The following LMBR1 variants were observed in gnomAD, a reference collection of about 807,000 sequenced individuals.
LMBR1 encodes limb region 1 protein homolog.
A neutral mutation model predicts 73.9 loss-of-function variants in LMBR1; 52 were observed. The ratio of observed to expected loss-of-function variants is 0.70; its 90% confidence interval spans 0.56 to 0.89. The LOEUF is 0.89. Among genes scored for constraint, LMBR1 ranks in the 40% least tolerant of loss-of-function variants. LMBR1 has a pLI of 0.00. For synonymous variants in LMBR1, 215 were observed against 209.4 expected (o/e 1.03, Z -0.23); for missense variants, 539 against 579.8 (o/e 0.93, Z 0.72).
At chr7:156,688,641 C>T (rs914133076) in intron 15 of LMBR1, among the ~76,000 whole-genome samples, 1 of 152,064 alleles carries the variant, frequency 6.6e-6, no homozygotes, top group Non-Finnish European at 1.5e-5. Flanking sequence ...AGGAACTGCC[C>T]GTCCCCTCTC....
intron 1 of LMBR1, among the ~76,000 whole-genome samples, chr7:156,868,443 A>G (rs1162286906): frequency 1.3e-5 from 2 of 152,138 alleles, no homozygotes; most frequent in Non-Finnish European, 2.9e-5. Context: ...TGGGAGGCCG[A>G]GGTGGGCAGA....
At chr7:156,803,999 G>A (rs1346053467) in intron 4 of LMBR1, among the ~76,000 whole-genome samples, 2 of 127,958 alleles carry the variant, frequency 1.6e-5, no homozygotes, top group African/African-American at 5.7e-5. Context: ...GTTGTGGGGT[G>A]GGGGGAGGGG....
intron 16 of LMBR1, among the ~76,000 whole-genome samples, chr7:156,686,106 A>AG (rs1395196390): frequency 1.3e-5 from 2 of 152,326 alleles, no homozygotes; most frequent in Non-Finnish European, 2.9e-5. Flanking sequence ...GACTGAGTGA[A>AG]GACAGAGGAT....
chr7:156,685,796 C>A lies in LMBR1; in HGVS notation c.1388-1633G>T, dbSNP rs1385968751. Among the ~76,000 whole-genome samples the A allele has an allele frequency of 6.6e-6, 1 of 152,208 alleles. No homozygotes were observed. The highest frequency in any genetic ancestry group is 1.5e-5 in the Non-Finnish European group (1 of 68,042). ...GAAAATACTTTTCACGAAGCTCAGA[C>A]CTTTCTGGCATCTCAACAACTTACT... is the stretch of plus-strand genomic sequence containing the variant. On this transcript the variant is annotated intron_variant, in intron 16 of 16. Coordinates refer to ENST00000353442, the MANE Select transcript of LMBR1 (RefSeq NM_022458.4). The surrounding 1 kb of genome is among the most constrained non-coding windows in gnomAD (Gnocchi z 4.1).
intron 9 of LMBR1, among the ~76,000 whole-genome samples, chr7:156,746,472 A>G (rs559002156): frequency 5.3e-5 from 8 of 152,318 alleles, no homozygotes; most frequent in African/African-American, 1.4e-4. Flanking sequence ...AGACCACTCA[A>G]TGTATGATTC....
intron 4 of LMBR1, among the ~76,000 whole-genome samples, chr7:156,814,433 T>C (rs1274677974): frequency 1.3e-5 from 2 of 152,214 alleles, no homozygotes; most frequent in Non-Finnish European, 2.9e-5. Context: ...CTGCATTTGT[T>C]TTCTCAGTTG....
Position 156,763,899 on chromosome 7 carries a change from G to A in LMBR1, c.424-104C>T, listed in dbSNP as rs1321799951. ...ATAAAATAATCCCTTGGAAGGAGAG[G>A]AAATTTATATTTATTAAAAGGAAAA... On this transcript the variant is annotated intron_variant, in intron 5 of 16. Transcript: ENST00000353442. The A allele has an allele frequency of 1.4e-5, 12 of 841,932 alleles. No individual in the cohort carries two copies. The highest frequency in any genetic ancestry group is 2.0e-5 in the Non-Finnish European group (12 of 593,914). 52.2% of individuals were successfully genotyped at this position (841,932 alleles called of 1,614,324 possible).
At position 156,679,635 on chromosome 7, in the gene LMBR1, T is replaced by C. The variant is rs1276324195; in HGVS notation, c.*4443A>G. On this transcript the variant is annotated 3_prime_UTR_variant, in exon 17 of 17. Transcript: ENST00000353442. ...TACAACAGCCACAAAACAGTTTTAGTAACTGTTAAAACTTCAGTTCTCAGA... is the reference window on the plus strand; with the variant it reads ...TACAACAGCCACAAAACAGTTTTAGCAACTGTTAAAACTTCAGTTCTCAGA... 6.6e-6 allele frequency: 1 copy of C among 152,232 alleles called. No individual in the cohort carries two copies. Among genetic ancestry groups the C allele is most frequent in the Non-Finnish European group, 1.5e-5 (1 of 68,048 alleles). The allele number at this position is 152,232 out of a possible 1,614,324, so 9.4% of individuals were successfully genotyped here.
chr7:156,853,788 T>C (rs930797746), intron 1 of LMBR1, among the ~76,000 whole-genome samples: 8 of 152,078 alleles, frequency 5.3e-5, no homozygotes, highest in African/African-American at 1.9e-4. Flanking sequence ...CCCAAGTAGC[T>C]GGGATTACAG....
chr7:156,782,947 T>A (rs1252588172), intron 5 of LMBR1, among the ~76,000 whole-genome samples: 1 of 152,232 alleles, frequency 6.6e-6, no homozygotes, highest in Non-Finnish European at 1.5e-5. Context: ...AGACTTTGGA[T>A]GTCTATTCAG....
intron 15 of LMBR1, among the ~76,000 whole-genome samples, chr7:156,700,307 C>T (rs1809364562): frequency 6.6e-6 from 1 of 152,100 alleles, no homozygotes; most frequent in Admixed American, 6.6e-5. Context: ...AAACCAAACA[C>T]TGCATGTTCT....
At position 156,682,281 on chromosome 7, in the gene LMBR1, C is replaced by T. The variant is rs113036233; in HGVS notation, c.*1797G>A. The T allele has an allele frequency of 6.6e-6, 1 of 151,250 alleles. No homozygotes were observed. Among genetic ancestry groups the T allele is most frequent in the Non-Finnish European group, 1.5e-5 (1 of 67,860 alleles). The allele number at this position is 151,250 out of a possible 1,614,324, so 9.4% of individuals were successfully genotyped here. A position where few individuals can be genotyped will look rare whatever the true frequency, so the allele number is the denominator to read the frequency against. On this transcript the variant is annotated 3_prime_UTR_variant, in exon 17 of 17. Transcript: ENST00000353442. ...GTATCTAGGAACTCTTTGGATGTGCCTGAAAGTGGTGTAAGTGAGAAGTGA... is the reference window on the plus strand; with the variant it reads ...GTATCTAGGAACTCTTTGGATGTGCTTGAAAGTGGTGTAAGTGAGAAGTGA...
chr7:156,754,306 T>C (rs940622640), intron 9 of LMBR1, among the ~76,000 whole-genome samples: 3 of 152,224 alleles, frequency 2.0e-5, no homozygotes, highest in African/African-American at 4.8e-5. Flanking sequence ...AAACCAAGTA[T>C]GAAAATTCAA....
At chr7:156,824,088 T>C (rs1420793653) in intron 4 of LMBR1, among the ~76,000 whole-genome samples, 1 of 132,882 alleles carries the variant, frequency 7.5e-6, no homozygotes, top group Non-Finnish European at 1.6e-5. Context: ...AGACTCCATC[T>C]CAAAAAACAA....
chr7:156,873,549 C>T (rs1043991235), intron 1 of LMBR1, among the ~76,000 whole-genome samples: 6 of 152,070 alleles, frequency 3.9e-5, no homozygotes, highest in Non-Finnish European at 8.8e-5. Flanking sequence ...TCGTAGAGCC[C>T]AGTGGCCTGT....
chr7:156,744,106 T>C (rs1369793582), intron 9 of LMBR1, among the ~76,000 whole-genome samples: 2 of 152,156 alleles, frequency 1.3e-5, no homozygotes, highest in African/African-American at 4.8e-5. Flanking sequence ...TCTCACTTTA[T>C]ATTACTGCCC....
chr7:156,775,350 G>A (rs1018380876), intron 5 of LMBR1, among the ~76,000 whole-genome samples: 6 of 152,116 alleles, frequency 3.9e-5, no homozygotes, highest in African/African-American at 9.7e-5. Context: ...CCTGGGCGAC[G>A]AAGTGAGACT....
At chr7:156,684,549 T>C (rs970691177) in intron 16 of LMBR1, among the ~76,000 whole-genome samples, 2 of 152,304 alleles carry the variant, frequency 1.3e-5, no homozygotes, top group East Asian at 3.9e-4. Context: ...CCCTTCCTCT[T>C]CCGTTGTCCC....
At chr7:156,892,799 A>T in intron 1 of LMBR1, 129 bp downstream of exon 1, 1 of 391,302 alleles carries the variant, frequency 2.6e-6, no homozygotes, top group Non-Finnish European at 4.0e-6. Flanking sequence ...GGAGAGCGGC[A>T]GAGGCCGGGG....
Sources: gnomAD v4.1 joint callset for allele counts (sites outside exome capture counted in the v4.1 genomes callset) on GRCh38, gnomAD v4.1.1 for gene constraint, Gnocchi (gnomAD v3.1) non-coding constraint, MANE v1.5 for transcripts, NCBI Gene and HGNC (gene_info 2026-07-23, HGNC 2026-07-21) for gene names.